Variants in GABRA3 observed in about 807,000 individuals in gnomAD.
The protein encoded by GABRA3 is gamma-aminobutyric acid receptor subunit alpha-3.
In GABRA3, 10 loss-of-function variants were observed where a neutral mutation model predicts 30.1. The ratio of observed to expected loss-of-function variants is 0.33; its 90% CI spans 0.20 to 0.56. The LOEUF (loss-of-function observed/expected upper bound fraction) is 0.56. GABRA3 is among the 20% of genes least tolerant of loss of function. The probability of loss-of-function intolerance (pLI) is 0.89; values close to 1 mark genes in which losing one functional copy is unlikely to be tolerated. For missense variants in GABRA3, 233 were observed against 392.0 expected, an observed-to-expected ratio of 0.59 and a Z score of 3.42; for synonymous variants, 151 against 146.8, an observed-to-expected ratio of 1.03 and a Z score of -0.21.
chrX:152,408,219 G>A (rs1464966290), intron 1 of GABRA3, among the ~76,000 whole-genome samples: 1 of 111,518 alleles, frequency 9.0e-6, no homozygotes, highest in African/African-American at 3.3e-5. Flanking sequence ...GGAAGTCCTA[G>A]CCAGAGCAAT....
At chrX:152,194,798 C>T (rs1033023456) in intron 8 of GABRA3, among the ~76,000 whole-genome samples, 2 of 111,295 alleles carry the variant, frequency 1.8e-5, no homozygotes, top group Non-Finnish European at 3.8e-5. Flanking sequence ...CTCACTCTGT[C>T]ACCCAGGCTG....
chrX:152,420,398 ACT>A (rs770272634), intron 1 of GABRA3, among the ~76,000 whole-genome samples: 1 of 111,626 alleles, frequency 9.0e-6, no homozygotes, highest in African/African-American at 3.2e-5. Flanking sequence ...TTCATCAGTA[ACT>A]CTGAGCACAA....
intron 3 of GABRA3, among the ~76,000 whole-genome samples, chrX:152,285,612 G>C (rs1939278661): frequency 9.0e-6 from 1 of 111,180 alleles, no homozygotes; most frequent in African/African-American, 3.3e-5. Context: ...GTCCATTCAG[G>C]CTGTTACAAC....
chrX:152,366,465 C>T (rs1181018098), intron 1 of GABRA3, among the ~76,000 whole-genome samples: 1 of 111,908 alleles, frequency 8.9e-6, no homozygotes, highest in Admixed American at 9.5e-5. Flanking sequence ...TGCTATTCTA[C>T]TATATCACTA....
intron 1 of GABRA3, among the ~76,000 whole-genome samples, chrX:152,370,050 T>C (rs1271051589): frequency 9.0e-6 from 1 of 111,450 alleles, no homozygotes; most frequent in East Asian, 2.8e-4. Flanking sequence ...GGGGATAACA[T>C]CCATCTTGTA....
chrX:152,234,777 C>T (rs1186335596), intron 5 of GABRA3, among the ~76,000 whole-genome samples: 1 of 111,529 alleles, frequency 9.0e-6, no homozygotes. Flanking sequence ...GATCGATTGG[C>T]TGTAGGTATG....
chrX:152,297,409 G>C (rs1219158031), intron 3 of GABRA3, among the ~76,000 whole-genome samples: 2 of 111,821 alleles, frequency 1.8e-5, no homozygotes, highest in Non-Finnish European at 3.8e-5. Flanking sequence ...ATTTAATACT[G>C]AAATTGTAAA....
intron 3 of GABRA3, among the ~76,000 whole-genome samples, chrX:152,312,916 C>T (rs1157153512): frequency 9.0e-6 from 1 of 111,199 alleles, no homozygotes; most frequent in African/African-American, 3.3e-5. Context: ...AAATACAAAT[C>T]AAAGCCACAA....
intron 3 of GABRA3, among the ~76,000 whole-genome samples, chrX:152,324,933 G>A (rs750021582): frequency 8.9e-6 from 1 of 111,791 alleles, no homozygotes; most frequent in South Asian, 3.7e-4. Flanking sequence ...AGCCAAGTGG[G>A]CAATGCCATC....
chrX:152,210,551 C>T (rs1166750235), intron 6 of GABRA3, among the ~76,000 whole-genome samples: 1 of 112,128 alleles, frequency 8.9e-6, no homozygotes, highest in Non-Finnish European at 1.9e-5. Context: ...CACTATTTGG[C>T]CTCGATTGAT....
intron 1 of GABRA3, among the ~76,000 whole-genome samples, chrX:152,395,975 A>C (rs1008798836): frequency 1.1e-4 from 12 of 112,068 alleles, no homozygotes; most frequent in African/African-American, 3.9e-4. Context: ...TTATGGGTTG[A>C]ATTGTGTTCT....
chrX:152,204,139 G>A (rs1937514114), intron 7 of GABRA3, among the ~76,000 whole-genome samples: 1 of 111,212 alleles, frequency 9.0e-6, no homozygotes, highest in Admixed American at 9.6e-5. Flanking sequence ...AGGGGCAATG[G>A]AAGTGAGATA....
At chrX:152,328,435 A>C (rs1940103872) in intron 3 of GABRA3, among the ~76,000 whole-genome samples, 1 of 111,915 alleles carries the variant, frequency 8.9e-6, no homozygotes, top group African/African-American at 3.3e-5. Flanking sequence ...ATGAACATCG[A>C]TGCAAAAATC....
chrX:152,338,653 T>C (rs765089226), intron 3 of GABRA3, among the ~76,000 whole-genome samples: 19 of 112,301 alleles, frequency 1.7e-4, no homozygotes, highest in African/African-American at 5.8e-4. Flanking sequence ...TCCAACAGTT[T>C]TATAGTTCAG....
chrX:152,189,628 A>G (rs911880760), intron 9 of GABRA3, 102 bp downstream of exon 9: 6 of 575,210 alleles, frequency 1.0e-5, no homozygotes, highest in Non-Finnish European at 1.7e-5. Flanking sequence ...AGTGCATAGC[A>G]CATAGCCCTG....
intron 3 of GABRA3, among the ~76,000 whole-genome samples, chrX:152,290,728 A>C (rs989350765): frequency 2.7e-5 from 3 of 112,074 alleles, no homozygotes; most frequent in African/African-American, 9.7e-5. Context: ...AACTTTCTAC[A>C]TATGGCTAGC....
At chrX:152,316,728 A>T (rs973821767) in intron 3 of GABRA3, among the ~76,000 whole-genome samples, 25 of 112,076 alleles carry the variant, frequency 2.2e-4, no homozygotes, top group African/African-American at 7.8e-4. Context: ...CAAAACAATT[A>T]TCAGCCAAGA....
chrX:152,342,917 C>G (rs140292332), intron 3 of GABRA3, among the ~76,000 whole-genome samples: 182 of 111,366 alleles, frequency 1.6e-3, no homozygotes, highest in African/African-American at 5.3e-3. Flanking sequence ...GGTGAAAACA[C>G]AAGTTATTCC....
At chrX:152,286,893 G>A (rs1344568903) in intron 3 of GABRA3, among the ~76,000 whole-genome samples, 1 of 111,809 alleles carries the variant, frequency 8.9e-6, no homozygotes, top group Non-Finnish European at 1.9e-5. Context: ...AAATAGCTGG[G>A]CTCTCATCTA....
Sources: gnomAD v4.1 joint callset for allele counts (sites outside exome capture counted in the v4.1 genomes callset) on GRCh38, gnomAD v4.1.1 for gene constraint, MANE v1.5 for transcripts, NCBI Gene and HGNC (gene_info 2026-07-23, HGNC 2026-07-21) for gene names.